KDM4B: variants seen among roughly 807,000 people sequenced by gnomAD.
KDM4B encodes lysine demethylase 4B, also known as lysine-specific demethylase 4B.
A neutral mutation model predicts 125.2 loss-of-function variants in KDM4B; 32 were observed. The observed-to-expected ratio is 0.26, with a 90% CI of 0.19 to 0.34. The LOEUF (loss-of-function observed/expected upper bound fraction) is 0.34, where lower values mean the gene tolerates loss of function less well. Ranked by LOEUF, KDM4B falls within the 10% of genes least tolerant of loss-of-function variation. The pLI is 1.00. For synonymous variants in KDM4B, 721 were observed against 677.9 expected (o/e 1.06, Z -0.99); for missense variants, 1,190 against 1,577.7 (o/e 0.75, Z 4.16).
Position 5,087,532 on chromosome 19 carries a change from A to G in KDM4B, c.918+5028A>G, listed in dbSNP as rs188749190. ...TTGGCCCCAGTGAGAGCTGCTGCCC[A>G]GGGCCACTTCCGAGGTCAGTCATCT... On this transcript the variant is annotated intron_variant, in intron 9 of 22. Coordinates refer to ENST00000159111, the MANE Select transcript of KDM4B (RefSeq NM_015015.3). Among the ~76,000 whole-genome samples the G allele has an allele frequency of 2.4e-3, 366 of 152,314 alleles. 2 individuals carry two copies. Among genetic ancestry groups the G allele is most frequent in the Non-Finnish European group, 2.4e-3 (161 of 68,022 alleles).
chr19:5,040,504 C>T (rs771970052), intron 4 of KDM4B, among the ~76,000 whole-genome samples: 41 of 152,174 alleles, frequency 2.7e-4, no homozygotes, highest in Non-Finnish European at 5.7e-4. Flanking sequence ...CACACAGGCT[C>T]ATGCACAGGT....
intron 1 of KDM4B, among the ~76,000 whole-genome samples, chr19:4,987,322 G>A (rs1163097151): frequency 6.6e-6 from 1 of 152,240 alleles, no homozygotes; most frequent in Non-Finnish European, 1.5e-5. Flanking sequence ...TTGCGGTCAG[G>A]AGCGCTTTCT....
chr19:5,055,350 T>C (rs552217534), intron 6 of KDM4B, among the ~76,000 whole-genome samples: 1 of 152,314 alleles, frequency 6.6e-6, no homozygotes, highest in African/African-American at 2.4e-5. Context: ...CAGACACACT[T>C]GGTGTTTGTT....
At chr19:5,053,732 T>C (rs1438386755) in intron 6 of KDM4B, among the ~76,000 whole-genome samples, 1 of 152,218 alleles carries the variant, frequency 6.6e-6, no homozygotes, top group Admixed American at 6.5e-5. Flanking sequence ...AAGACAGTTG[T>C]TGTCACAAGC....
intron 13 of KDM4B, among the ~76,000 whole-genome samples, chr19:5,132,891 G>A (rs963057052): frequency 2.0e-5 from 3 of 152,186 alleles, no homozygotes; most frequent in East Asian, 1.9e-4. Flanking sequence ...CCTGGGCTCC[G>A]CTGGCGGTAC....
intron 13 of KDM4B, among the ~76,000 whole-genome samples, chr19:5,133,647 CG>C (rs1420900446): frequency 1.3e-5 from 2 of 152,176 alleles, no homozygotes; most frequent in Admixed American, 1.3e-4. Context: ...GGCAGTCAGC[CG>C]AGACAGACGT....
chr19:4,989,335 T>TTTTG (rs999258942), intron 1 of KDM4B, among the ~76,000 whole-genome samples: 4 of 152,154 alleles, frequency 2.6e-5, no homozygotes, highest in African/African-American at 9.7e-5. Context: ...CTTTGTTTTT[T>TTTTG]TTTGTTTGTT....
Position 5,083,209 on chromosome 19 carries a change from C to T in KDM4B, c.918+705C>T, listed in dbSNP as rs143845781. Among the ~76,000 whole-genome samples, 52 of 152,308 alleles carry T rather than the reference C, an allele frequency of 3.4e-4. No individual in the cohort carries two copies. The East Asian group carries it at 9.3e-3, about 27-fold the overall frequency. ...CTTGTTCCCCACTCTCCTAACGCCA[C>T]GTACAGCCATCTGTGTGGCTGTTCT... is the stretch of plus-strand genomic sequence containing the variant. On this transcript the variant is annotated intron_variant, in intron 9 of 22. Transcript: ENST00000159111.
intron 1 of KDM4B, among the ~76,000 whole-genome samples, chr19:4,990,494 G>A (rs2034997383): frequency 6.6e-6 from 1 of 152,224 alleles, no homozygotes; most frequent in African/African-American, 2.4e-5. Context: ...AAGGCAGCGT[G>A]GCGAGGAGAT....
intron 1 of KDM4B, among the ~76,000 whole-genome samples, chr19:4,975,517 C>A (rs2034413820): frequency 1.3e-5 from 2 of 151,974 alleles, no homozygotes; most frequent in Admixed American, 1.3e-4. Context: ...CCATGTCAGC[C>A]TCACGACCCC....
intron 9 of KDM4B, among the ~76,000 whole-genome samples, chr19:5,085,488 A>G (rs546933997): frequency 3.3e-5 from 5 of 152,344 alleles, no homozygotes; most frequent in Admixed American, 2.6e-4. Flanking sequence ...GGGACTGCCC[A>G]GATATTAAAA....
intron 7 of KDM4B, chr19:5,075,043 G>A (rs373344155): frequency 2.7e-4 from 41 of 152,532 alleles, no homozygotes; most frequent in African/African-American, 9.9e-4. Flanking sequence ...AGAGCCGGCA[G>A]CCCTGTTGGG....
At position 5,111,058 on chromosome 19, in the gene KDM4B, G is replaced by A. The variant is rs559559878; in HGVS notation, c.1115+240G>A. ...TGGGGTGGGTGGGCTCTGCTCTGGC[G>A]GGCAGCGTCTGTGCCGTTCACACCC... On this transcript the variant is annotated intron_variant, in intron 10 of 22. Transcript: ENST00000159111. Among the ~76,000 whole-genome samples, 12 of 152,280 alleles carry A rather than the reference G, an allele frequency of 7.9e-5. 1 individual carries two copies. The highest frequency in any genetic ancestry group is 1.9e-4 in the African/African-American group (8 of 41,560).
chr19:5,101,951 G>T (rs1162766625), intron 9 of KDM4B, among the ~76,000 whole-genome samples: 2 of 152,096 alleles, frequency 1.3e-5, no homozygotes, highest in Non-Finnish European at 2.9e-5. Flanking sequence ...CACCTTCTCT[G>T]GCCTCCCCAG....
rs1480670323 is a variant in KDM4B at position 5,121,923 on chromosome 19, G to A, written c.1315+2071G>A. On this transcript the variant is annotated intron_variant, in intron 11 of 22. Transcript: ENST00000159111. ...CAGGACCCAAGCAAAGATGGCAAAAGGTCTAGGAATAGGAATCCCGGAGCA... is the reference window on the plus strand; with the variant it reads ...CAGGACCCAAGCAAAGATGGCAAAAAGTCTAGGAATAGGAATCCCGGAGCA... Among the ~76,000 whole-genome samples the A allele has an allele frequency of 2.0e-5, 3 of 152,174 alleles. No individual in the cohort carries two copies. The East Asian group carries it at 5.8e-4, about 30-fold the overall frequency.
chr19:5,150,676 A>G (rs2039931017), intron 22 of KDM4B, among the ~76,000 whole-genome samples: 1 of 152,010 alleles, frequency 6.6e-6, no homozygotes, highest in Non-Finnish European at 1.5e-5. Context: ...CGATGCCGTT[A>G]ATGTGGGGAG....
At chr19:4,991,813 C>T (rs1293418125) in intron 1 of KDM4B, among the ~76,000 whole-genome samples, 1 of 152,176 alleles carries the variant, frequency 6.6e-6, no homozygotes, top group Non-Finnish European at 1.5e-5. Context: ...ATCTCTGTAA[C>T]CTTGCCCTTT....
chr19:5,069,727 C>T (rs939518903), intron 6 of KDM4B, among the ~76,000 whole-genome samples: 2 of 152,146 alleles, frequency 1.3e-5, no homozygotes, highest in Non-Finnish European at 2.9e-5. Context: ...GATTCTTTTG[C>T]GTCAGCCTCC....
In KDM4B at chr19:5,151,309, AC is replaced by A. The variant is rs151297540; in HGVS notation, c.3115-24del. 7.1e-3 allele frequency: 10,538 copies of A among 1,491,918 alleles called. 240 individuals carry two copies. Among genetic ancestry groups the A allele is most frequent in the African/African-American group, 0.058 (4,023 of 69,370 alleles). The allele number at this position is 1,491,918 out of a possible 1,614,324, so 92.4% of individuals were successfully genotyped here. ...CGCACAGAGTGTCTCCACCGTGCTA[AC>A]CACTGTGCTTCCGCTCTCCCGCAGT... is the stretch of plus-strand genomic sequence containing the variant. On this transcript the variant is annotated intron_variant, in intron 22 of 22. Coordinates refer to ENST00000159111, the MANE Select transcript of KDM4B (RefSeq NM_015015.3).
Sources: gnomAD v4.1 joint callset for allele counts (sites outside exome capture counted in the v4.1 genomes callset) on GRCh38, gnomAD v4.1.1 for gene constraint, MANE v1.5 for transcripts, NCBI Gene and HGNC (gene_info 2026-07-23, HGNC 2026-07-21) for gene names.